Variants in SMARCA1 observed in about 807,000 individuals in gnomAD.
SMARCA1 encodes SWI/SNF-related matrix-associated actin-dependent regulator of chromatin subfamily A member 1.
A neutral mutation model predicts 93.6 loss-of-function variants in SMARCA1; 17 were observed. The ratio of observed to expected loss-of-function variants is 0.18; its 90% CI spans 0.12 to 0.27. SMARCA1 has a LOEUF of 0.27. SMARCA1 is among the 10% of genes least tolerant of loss of function. SMARCA1 has a pLI of 1.00. For synonymous variants in SMARCA1, 271 were observed against 271.4 expected (o/e 1.00, Z 0.01); for missense variants, 630 against 819.0 (o/e 0.77, Z 2.82).
chrX:129,496,286 G>A (rs192186732), intron 12 of SMARCA1, among the ~76,000 whole-genome samples: 1 of 107,099 alleles, frequency 9.3e-6, no homozygotes, highest in East Asian at 2.9e-4. Context: ...AGCTCTATAA[G>A]AACCAAGATC....
chrX:129,471,059 G>T, intron 20 of SMARCA1, 145 bp downstream of exon 20: 1 of 392,468 alleles, frequency 2.5e-6, no homozygotes, highest in Non-Finnish European at 4.2e-6. Flanking sequence ...AAGGAGATTT[G>T]GTCTAAACAT....
chrX:129,508,787 G>A (rs1443655973), intron 6 of SMARCA1, among the ~76,000 whole-genome samples: 1 of 112,564 alleles, frequency 8.9e-6, no homozygotes, highest in Non-Finnish European at 1.9e-5. Context: ...AGTTGACTGA[G>A]AGCATTTTTA....
chrX:129,470,738 G>A (rs1569429757), intron 20 of SMARCA1, among the ~76,000 whole-genome samples: 1 of 110,596 alleles, frequency 9.0e-6, no homozygotes, highest in Admixed American at 9.7e-5. Context: ...GCACGGTGGT[G>A]GGTGCCTGTA....
At chrX:129,496,528 TTA>T (rs1934334422) in intron 12 of SMARCA1, among the ~76,000 whole-genome samples, 1 of 110,556 alleles carries the variant, frequency 9.0e-6, no homozygotes, top group African/African-American at 3.3e-5. Context: ...GTAGTGCCCT[TTA>T]GATAAGTGGT....
chrX:129,483,426 G>A (rs1933770010), intron 17 of SMARCA1, among the ~76,000 whole-genome samples: 1 of 111,523 alleles, frequency 9.0e-6, no homozygotes, highest in Non-Finnish European at 1.9e-5. Flanking sequence ...ATATTATAAT[G>A]AGATTATTAA....
chrX:129,517,680 C>T (rs1160251328), intron 2 of SMARCA1, among the ~76,000 whole-genome samples: 2 of 109,913 alleles, frequency 1.8e-5, no homozygotes, highest in Non-Finnish European at 3.8e-5. Flanking sequence ...CAAAAACAAC[C>T]CCTCAGAGGA....
chrX:129,494,668 C>T (rs1352834497), intron 12 of SMARCA1, among the ~76,000 whole-genome samples: 1 of 111,345 alleles, frequency 9.0e-6, no homozygotes, highest in East Asian at 2.8e-4. Context: ...AATTTCATGA[C>T]CTGCAGTACG....
At position 129,515,832 on chromosome X, in the gene SMARCA1, T is replaced by C. The variant is rs769355303; in HGVS notation, c.530-45A>G. 1.0e-4 allele frequency: 118 copies of C among 1,148,936 alleles called. No homozygotes were observed. In the South Asian group the frequency reaches 2.0e-3, roughly 20 times the overall value. The allele number at this position is 1,148,936 out of a possible 1,213,427, so 94.7% of individuals were successfully genotyped here. On this transcript the variant is annotated intron_variant, in intron 4 of 24. Transcript: ENST00000371121. ...ACATTTCATACTTTCATTAACATAC[T>C]CAAGTAAAATTTTTCTAAAACTAAA...
At chrX:129,465,323 G>A (rs1165206549) in intron 23 of SMARCA1, among the ~76,000 whole-genome samples, 197 bp downstream of exon 23, 6 of 111,445 alleles carry the variant, frequency 5.4e-5, no homozygotes, top group African/African-American at 9.8e-5. Context: ...AGATGTCCCC[G>A]TATTTTTTAA....
chrX:129,487,640 A>G (rs1427212626), intron 16 of SMARCA1, among the ~76,000 whole-genome samples: 1 of 112,440 alleles, frequency 8.9e-6, no homozygotes, highest in African/African-American at 3.2e-5. Context: ...CCACACTGTG[A>G]TTAACTCAAA....
chrX:129,491,077 G>A (rs1934108067), intron 14 of SMARCA1, among the ~76,000 whole-genome samples: 1 of 111,472 alleles, frequency 9.0e-6, no homozygotes, highest in South Asian at 3.8e-4. Context: ...CAATACCATC[G>A]TAATGCAATA....
intron 23 of SMARCA1, among the ~76,000 whole-genome samples, chrX:129,450,616 G>A (rs1051553254): frequency 9.0e-6 from 1 of 111,550 alleles, no homozygotes; most frequent in African/African-American, 3.3e-5. Context: ...GTGTTAAACT[G>A]GGAACTAACT....
chrX:129,465,699 G>A lies in SMARCA1; in HGVS notation c.2851C>T (p.Arg951Cys), dbSNP rs757864280. 12 of 1,181,842 alleles carry A rather than the reference G, an allele frequency of 1.0e-5. No homozygotes were observed. The highest frequency in any genetic ancestry group is 2.0e-5 in the South Asian group (1 of 50,941). ...ARYKAPFHQL[R>C]IQYGTSKGKN... ...CCTTTGCTGGTTCCATACTGAATGC[G>A]CAACTGATGAAATGGAGCCTTGTAT... Residue 951 changes from arginine to cysteine, a missense_variant, in exon 23 of 25, where the codon CGC becomes TGC. Arg to Cys is a radical substitution (Grantham distance 180). This residue lies in a region of SMARCA1 where 93 missense variants were observed against 160.8 expected (regional missense o/e 0.58). Coordinates refer to ENST00000371121, the MANE Select transcript of SMARCA1 (RefSeq NM_001282874.2).
intron 16 of SMARCA1, 67 bp from the exon 17 acceptor site, chrX:129,487,204 T>C: frequency 1.2e-6 from 1 of 809,223 alleles, no homozygotes; most frequent in Middle Eastern, 3.4e-4. Flanking sequence ...GTGGATTCTC[T>C]ACCTTTTTAA....
chrX:129,482,843 G>A (rs188201733), intron 17 of SMARCA1, among the ~76,000 whole-genome samples: 3 of 111,466 alleles, frequency 2.7e-5, no homozygotes, highest in Non-Finnish European at 5.7e-5. Flanking sequence ...TTACATAAAA[G>A]GGGGCATTAA....
rs764235909 is a variant in SMARCA1 at position 129,453,397 on chromosome X, T to C, written c.3031-4954A>G. 6.3e-5 allele frequency among the ~76,000 whole-genome samples: 7 copies of C among 111,601 alleles called. No homozygotes were observed. In the South Asian group the frequency reaches 2.6e-3, roughly 42 times the overall value. ...AACCAGCACAAGAGAGAGACAAGGA[T>C]GCCCTCTCTCCCCACTCCTATTCAA... On this transcript the variant is annotated intron_variant, in intron 23 of 24. Coordinates refer to ENST00000371121, the MANE Select transcript of SMARCA1 (RefSeq NM_001282874.2).
Position 129,521,722 on chromosome X carries a change from C to T in SMARCA1, c.174+1475G>A, listed in dbSNP as rs143000891. On this transcript the variant is annotated intron_variant, in intron 1 of 24. Coordinates refer to ENST00000371121, the MANE Select transcript of SMARCA1 (RefSeq NM_001282874.2). ...ACACAGACATTTCCGAATTTCACAA[C>T]ATTTGATTTATATTGATGCTTGGTA... 5.3e-3 allele frequency among the ~76,000 whole-genome samples: 595 copies of T among 112,379 alleles called. 4 individuals carry two copies. Among genetic ancestry groups the T allele is most frequent in the Non-Finnish European group, 9.4e-3 (500 of 53,286 alleles).
At chrX:129,481,240 C>A in intron 17 of SMARCA1, 55 bp from the exon 18 acceptor site, 1 of 746,576 alleles carries the variant, frequency 1.3e-6, no homozygotes, top group Non-Finnish European at 2.1e-6. Context: ...ACAGTTTTAT[C>A]AAAATCAAGT....
chrX:129,516,235 T>C, intron 3 of SMARCA1, 96 bp downstream of exon 3: 1 of 805,362 alleles, frequency 1.2e-6, no homozygotes, highest in Non-Finnish European at 1.8e-6. Context: ...TACTGAACAA[T>C]GAAGAGCGAA....
Sources: gnomAD v4.1 joint callset for allele counts (sites outside exome capture counted in the v4.1 genomes callset) on GRCh38, gnomAD v4.1.1 for gene constraint, gnomAD v4.1.1 regional missense constraint, MANE v1.5 for transcripts, NCBI Gene and HGNC (gene_info 2026-07-23, HGNC 2026-07-21) for gene names.